PHF14: variants seen among roughly 807,000 people sequenced by gnomAD.
The protein encoded by PHF14 is PHD finger protein 14.
A neutral mutation model predicts 117.9 loss-of-function variants in PHF14; 55 were observed. The ratio of observed to expected loss-of-function variants is 0.47; its 90% CI spans 0.38 to 0.58. The LOEUF (loss-of-function observed/expected upper bound fraction) is 0.58, where lower values mean the gene tolerates loss of function less well. PHF14 is among the 20% of genes least tolerant of loss of function. PHF14 has a pLI of 0.00. For synonymous variants in PHF14, 409 were observed against 368.6 expected (o/e 1.11, Z -1.26); for missense variants, 978 against 1,122.2 (o/e 0.87, Z 1.84).
chr7:10,981,162 G>C (rs866394489), intron 2 of PHF14, among the ~76,000 whole-genome samples: 1 of 151,996 alleles, frequency 6.6e-6, no homozygotes, highest in Non-Finnish European at 1.5e-5. Flanking sequence ...TTCAATTTTA[G>C]TGCTTAGTTA....
At chr7:11,160,474 C>G (rs774485222) in intron 17 of PHF14, among the ~76,000 whole-genome samples, 4 of 152,178 alleles carry the variant, frequency 2.6e-5, no homozygotes, top group African/African-American at 9.7e-5. Flanking sequence ...AATCTCCAAA[C>G]TACTTTTCAC....
intron 4 of PHF14, among the ~76,000 whole-genome samples, chr7:11,003,649 T>A (rs1782961414): frequency 6.6e-6 from 1 of 152,218 alleles, no homozygotes; most frequent in Non-Finnish European, 1.5e-5. Flanking sequence ...ATTACCTATT[T>A]TTTTGTTTTT....
chr7:11,129,500 G>A (rs1788027554), intron 17 of PHF14, among the ~76,000 whole-genome samples: 1 of 151,234 alleles, frequency 6.6e-6, no homozygotes, highest in Non-Finnish European at 1.5e-5. Context: ...CATTGTCTAA[G>A]GGTATAAAAC....
At chr7:11,070,427 CTTCT>C (rs1036177531) in intron 16 of PHF14, among the ~76,000 whole-genome samples, 4 of 152,166 alleles carry the variant, frequency 2.6e-5, no homozygotes, top group African/African-American at 9.7e-5. Context: ...TTGCCAGTTG[CTTCT>C]TTCTTATATG....
At chr7:11,038,012 C>T (rs1784367544) in intron 10 of PHF14, among the ~76,000 whole-genome samples, 1 of 151,966 alleles carries the variant, frequency 6.6e-6, no homozygotes, top group African/African-American at 2.4e-5. Context: ...AACGTAGTTA[C>T]CATTATTAGT....
intron 2 of PHF14, among the ~76,000 whole-genome samples, chr7:10,980,546 A>C (rs552271337): frequency 6.6e-6 from 1 of 152,264 alleles, no homozygotes; most frequent in Admixed American, 6.5e-5. Flanking sequence ...AATGCTTTAG[A>C]GACTGAAAAG....
intron 17 of PHF14, among the ~76,000 whole-genome samples, chr7:11,161,151 C>G (rs536217888): frequency 6.6e-6 from 1 of 151,978 alleles, no homozygotes; most frequent in African/African-American, 2.4e-5. Flanking sequence ...GTTGCCAGCA[C>G]CATTTATTGA....
chr7:11,087,893 T>C (rs796085681), intron 16 of PHF14, among the ~76,000 whole-genome samples: 6 of 152,332 alleles, frequency 3.9e-5, no homozygotes, highest in African/African-American at 1.4e-4. Flanking sequence ...AAAAGATTTT[T>C]AAAGTGTATA....
intron 17 of PHF14, among the ~76,000 whole-genome samples, chr7:11,153,213 A>T (rs1788749585): frequency 1.3e-5 from 2 of 152,212 alleles, no homozygotes; most frequent in Admixed American, 1.3e-4. Flanking sequence ...GATAGCTTGA[A>T]TTAAGATGGT....
Position 11,156,319 on chromosome 7 carries a change from ATTTC to A in PHF14, c.2773-13093_2773-13090del, listed in dbSNP as rs201489548. On this transcript the variant is annotated intron_variant, in intron 17 of 17. Transcript: ENST00000634607. ...TTAAATTTTTCTTGAAGCAAATTCA[ATTTC>A]TTTTTAACCCATGAAAAATTAATGT... Among the ~76,000 whole-genome samples the A allele has an allele frequency of 6.8e-3, 1,039 of 152,320 alleles. 19 individuals are homozygous for A. The highest frequency in any genetic ancestry group is 0.024 in the African/African-American group (1,018 of 41,574).
At chr7:11,100,760 A>T (rs1166839896) in intron 16 of PHF14, among the ~76,000 whole-genome samples, 1 of 151,936 alleles carries the variant, frequency 6.6e-6, no homozygotes, top group African/African-American at 2.4e-5. Flanking sequence ...CCAAGATTGT[A>T]CAACTGGAAA....
chr7:10,983,063 C>G lies in PHF14; in HGVS notation c.804C>G (p.Cys268Trp), dbSNP rs781182644. 1.9e-6 allele frequency: 3 copies of G among 1,597,562 alleles called. No individual in the cohort carries two copies. Among genetic ancestry groups the G allele is most frequent in the Admixed American group, 1.7e-5 (1 of 59,440 alleles). ...GTAGCCCTGCCAGTGAAGGGGGTTG[C>G]AAGAAGAAGAAGAGTAAAGTTCTTA... is the stretch of plus-strand genomic sequence containing the variant. Reference protein sequence around the residue: ...DHSSPASEGGCKKKKSKVLSR... With the variant: ...DHSSPASEGGWKKKKSKVLSR... The change falls in exon 3 of 18, where the codon TGC (cysteine) becomes TGG (tryptophan). Residue 268 changes from cysteine (C) to tryptophan (W), a missense_variant. This residue lies in a region of PHF14 where 414 missense variants were observed against 376.4 expected (regional missense o/e 1.10). Coordinates refer to ENST00000634607, the MANE Select transcript of PHF14 (RefSeq NM_001007157.2).
chr7:11,121,861 T>G (rs980667783), intron 17 of PHF14, among the ~76,000 whole-genome samples: 1 of 152,032 alleles, frequency 6.6e-6, no homozygotes, highest in African/African-American at 2.4e-5. Flanking sequence ...GGAATTTTTT[T>G]TTTTCTATAA....
rs1345310934 is a variant in PHF14, at chr7:11,130,123, A to T, written c.2772+18656A>T. 6.6e-6 allele frequency among the ~76,000 whole-genome samples: 1 copy of T among 152,010 alleles called. No individual in the cohort carries two copies. The highest frequency in any genetic ancestry group is 1.5e-5 in the Non-Finnish European group (1 of 67,964). ...TATAGTCACTTGGGGACCCGAGCTGATGGAGGTTTTGTTTCAACATATGTG... is the reference window on the plus strand; with the variant it reads ...TATAGTCACTTGGGGACCCGAGCTGTTGGAGGTTTTGTTTCAACATATGTG... On this transcript the variant is annotated intron_variant, in intron 17 of 17. Transcript: ENST00000634607. This position sits in a 1 kb window ranked among gnomAD's most constrained non-coding sequence, Gnocchi z 4.2.
At chr7:10,983,256 C>G in intron 3 of PHF14, 97 bp downstream of exon 3, 1 of 1,366,592 alleles carries the variant, frequency 7.3e-7, no homozygotes, top group South Asian at 1.5e-5. Flanking sequence ...CCTTGAAATC[C>G]TATTTATAGA....
chr7:10,999,017 T>C (rs1205390815), intron 4 of PHF14, among the ~76,000 whole-genome samples: 3 of 152,202 alleles, frequency 2.0e-5, no homozygotes, highest in Non-Finnish European at 2.9e-5. Flanking sequence ...TCAAGCTTCT[T>C]TTGCAAAGTT....
At chr7:11,007,004 C>A (rs1778246103) in intron 4 of PHF14, 6 of 329,284 alleles carry the variant, frequency 1.8e-5, no homozygotes, top group South Asian at 1.1e-4. Context: ...GTGAAACTCC[C>A]TTCTCTACTA....
intron 16 of PHF14, among the ~76,000 whole-genome samples, chr7:11,080,787 C>T (rs975623680): frequency 1.3e-5 from 2 of 152,096 alleles, no homozygotes; most frequent in African/African-American, 4.8e-5. Context: ...AAAGCATGCC[C>T]TAATGAGCAA....
At chr7:11,090,849 G>A (rs1464325645) in intron 16 of PHF14, among the ~76,000 whole-genome samples, 1 of 152,194 alleles carries the variant, frequency 6.6e-6, no homozygotes, top group African/African-American at 2.4e-5. Flanking sequence ...ATAAACCAAG[G>A]TGACAGGTGA....
Sources: allele counts gnomAD v4.1 joint callset (sites outside exome capture counted in the v4.1 genomes callset), GRCh38; gene constraint gnomAD v4.1.1; regional missense constraint gnomAD v4.1.1; non-coding constraint Gnocchi (gnomAD v3.1); transcripts MANE v1.5; gene names NCBI Gene and HGNC (gene_info 2026-07-23, HGNC 2026-07-21).